COL19A1: variants seen among roughly 807,000 people sequenced by gnomAD.
COL19A1 encodes collagen type XIX alpha 1 chain.
COL19A1 carries 159 observed loss-of-function variants against 190.2 expected under a neutral mutation model. That is an observed-to-expected ratio of 0.84 (90% CI 0.73 to 0.95). COL19A1 has a LOEUF of 0.95. Among genes scored for constraint, COL19A1 ranks in the 40% least tolerant of loss-of-function variants. The pLI, the probability that COL19A1 is intolerant of heterozygous loss-of-function variation, is 0.00. For synonymous variants in COL19A1, 509 were observed against 458.9 expected, an observed-to-expected ratio of 1.11 and a Z score of -1.39; for missense variants, 1,418 against 1,431.9, an observed-to-expected ratio of 0.99 and a Z score of 0.16.
At chr6:70,146,747 C>T (rs1319362772) in intron 26 of COL19A1, 44 bp downstream of exon 26, 1 of 1,591,390 alleles carries the variant, frequency 6.3e-7, no homozygotes, top group Admixed American at 1.8e-5. Context: ...GAATAATTAA[C>T]AAAATACAGC....
chr6:69,895,491 G>C (rs543464986), intron 2 of COL19A1, among the ~76,000 whole-genome samples: 6 of 152,300 alleles, frequency 3.9e-5, no homozygotes, highest in African/African-American at 1.4e-4. Context: ...TGGTGAGTAA[G>C]ACAGGGTTTT....
At chr6:69,942,651 T>G (rs1773544199) in intron 9 of COL19A1, among the ~76,000 whole-genome samples, 2 of 152,002 alleles carry the variant, frequency 1.3e-5, no homozygotes, top group South Asian at 4.2e-4. Context: ...CTTATTTCAC[T>G]TACAACAATG....
chr6:70,006,189 CT>C (rs1323022811), intron 11 of COL19A1, among the ~76,000 whole-genome samples: 4 of 152,170 alleles, frequency 2.6e-5, no homozygotes, highest in African/African-American at 7.2e-5. Flanking sequence ...CTGGTTGCCC[CT>C]CACCCTGGGA....
chr6:70,051,960 C>T (rs1780227368), intron 14 of COL19A1, among the ~76,000 whole-genome samples: 1 of 152,070 alleles, frequency 6.6e-6, no homozygotes, highest in Non-Finnish European at 1.5e-5. Context: ...GGATTGCAAA[C>T]TCAAACAGCC....
At chr6:70,181,771 G>A (rs1228837152) in intron 44 of COL19A1, among the ~76,000 whole-genome samples, 8 of 151,932 alleles carry the variant, frequency 5.3e-5, no homozygotes, top group Non-Finnish European at 1.0e-4. Flanking sequence ...TGCAATTTGA[G>A]CAGAAACCTG....
chr6:69,972,402 G>A (rs1001003210), intron 11 of COL19A1, among the ~76,000 whole-genome samples: 7 of 152,166 alleles, frequency 4.6e-5, no homozygotes, highest in Admixed American at 1.3e-4. Flanking sequence ...GACCATGTCT[G>A]TCTGTGTACG....
At chr6:70,115,834 T>G (rs9446201) in intron 16 of COL19A1, among the ~76,000 whole-genome samples, 69 of 147,862 alleles carry the variant, frequency 4.7e-4, no homozygotes, top group African/African-American at 5.5e-4. Flanking sequence ...TGTTTTTTTT[T>G]TTTTTTTTGG....
In COL19A1 at chr6:70,209,162, G is replaced by A. The variant is rs1768052834; in HGVS notation, c.*1888G>A. 1 of 152,334 alleles carries A rather than the reference G, an allele frequency of 6.6e-6. No homozygotes were observed. Among genetic ancestry groups the A allele is most frequent in the African/African-American group, 2.4e-5 (1 of 41,330 alleles). 9.4% of individuals were successfully genotyped at this position (152,334 alleles called of 1,614,324 possible). On this transcript the variant is annotated 3_prime_UTR_variant, in exon 51 of 51. Coordinates refer to ENST00000620364, the MANE Select transcript of COL19A1 (RefSeq NM_001858.6). ...AATTTATCCCGAAAAAGTGTACATA[G>A]ATCTAAAATTTGGTGCTATGTGTAT...
At position 69,898,959 on chromosome 6, in the gene COL19A1, C is replaced by T; in HGVS notation, c.103C>T (p.Pro35Ser). 6.2e-7 allele frequency: 1 copy of T among 1,608,350 alleles called. No homozygotes were observed. The highest frequency in any genetic ancestry group is 8.5e-7 in the Non-Finnish European group (1 of 1,175,746). ...TVRDKTEESCPILRIEGHQLT... is the reference protein window; with the variant it reads ...TVRDKTEESCSILRIEGHQLT... ...TTCTTTTTAAATAGAAGAGTCATGCCCTATCCTGAGAATAGAGGGACATCA... is the reference window on the plus strand; with the variant it reads ...TTCTTTTTAAATAGAAGAGTCATGCTCTATCCTGAGAATAGAGGGACATCA... The change falls in exon 3 of 51, where the codon CCT (proline) becomes TCT (serine). Residue 35 changes from proline to serine, a missense_variant. Physicochemically the swap from Pro to Ser is moderately conservative, Grantham distance 74. Transcript: ENST00000620364.
At chr6:70,127,239 A>G (rs569105761) in intron 17 of COL19A1, among the ~76,000 whole-genome samples, 19 of 152,328 alleles carry the variant, frequency 1.2e-4, no homozygotes, top group African/African-American at 4.6e-4. Flanking sequence ...GATGCTGGAG[A>G]GGGAAATGAG....
chr6:70,123,900 G>A (rs1216961495), intron 17 of COL19A1, among the ~76,000 whole-genome samples: 3 of 150,558 alleles, frequency 2.0e-5, no homozygotes, highest in Non-Finnish European at 1.5e-5. Flanking sequence ...AGCATGGCAC[G>A]TGTATACATA....
rs912061244 is a variant in COL19A1 at position 69,905,875 on chromosome 6, G to C, written c.266+5537G>C. 5.9e-5 allele frequency among the ~76,000 whole-genome samples: 9 copies of C among 152,168 alleles called. No homozygotes were observed. In the East Asian group the frequency reaches 1.7e-3, roughly 29 times the overall value. On this transcript the variant is annotated intron_variant, in intron 4 of 50. Transcript: ENST00000620364. ...TATTTGGGGGCTTTAGAAGATTCTG[G>C]GTGGCATGCTACCTAGTTCTCTAGA...
intron 2 of COL19A1, among the ~76,000 whole-genome samples, chr6:69,895,525 C>G (rs1769666840): frequency 6.6e-6 from 1 of 152,132 alleles, no homozygotes; most frequent in Non-Finnish European, 1.5e-5. Flanking sequence ...GAAGGAAAGG[C>G]AGAAACAGGG....
intron 11 of COL19A1, among the ~76,000 whole-genome samples, chr6:69,965,066 A>G (rs1775015134): frequency 6.6e-6 from 1 of 152,252 alleles, no homozygotes; most frequent in Admixed American, 6.5e-5. Context: ...GTGTGACAAC[A>G]GCATGGATTA....
intron 16 of COL19A1, among the ~76,000 whole-genome samples, chr6:70,118,988 G>A (rs1012290951): frequency 1.3e-5 from 2 of 152,278 alleles, no homozygotes; most frequent in East Asian, 1.9e-4. Context: ...AGTCTGTAAA[G>A]GATCATATCC....
intron 9 of COL19A1, among the ~76,000 whole-genome samples, chr6:69,957,842 A>T (rs1031171098): frequency 2.0e-5 from 3 of 152,194 alleles, no homozygotes; most frequent in Non-Finnish European, 2.9e-5. Context: ...TGGGTGTCAG[A>T]GGGAGCATAA....
intron 11 of COL19A1, among the ~76,000 whole-genome samples, chr6:70,006,632 G>A (rs1287668491): frequency 6.6e-6 from 1 of 152,104 alleles, no homozygotes; most frequent in African/African-American, 2.4e-5. Context: ...TTAGATAGAT[G>A]ACTATAATTG....
intron 9 of COL19A1, among the ~76,000 whole-genome samples, chr6:69,957,456 T>G (rs1441884971): frequency 6.6e-6 from 1 of 152,124 alleles, no homozygotes; most frequent in East Asian, 1.9e-4. Flanking sequence ...AACATTAGAT[T>G]TTGCCTGCTT....
chr6:70,075,976 C>T (rs34418810), intron 15 of COL19A1, among the ~76,000 whole-genome samples: 4,416 of 152,162 alleles, frequency 0.029, 77 homozygotes, highest in Non-Finnish European at 0.045. Context: ...TCAAATAGGA[C>T]CCTGAGTCTG....
Sources: gnomAD v4.1 joint callset for allele counts (sites outside exome capture counted in the v4.1 genomes callset) on GRCh38, gnomAD v4.1.1 for gene constraint, MANE v1.5 for transcripts, NCBI Gene and HGNC (gene_info 2026-07-23, HGNC 2026-07-21) for gene names.